Variants in FRMPD4 observed in about 807,000 individuals in gnomAD.
FRMPD4 encodes the protein FERM and PDZ domain containing 4.
In FRMPD4, 22 loss-of-function variants were observed where a neutral mutation model predicts 94.1. The ratio of observed to expected loss-of-function variants is 0.23; its 90% confidence interval spans 0.17 to 0.33. The LOEUF is 0.33. Ranked by LOEUF, FRMPD4 falls within the 10% of genes least tolerant of loss-of-function variation. The pLI is 1.00. For synonymous variants in FRMPD4, 631 were observed against 548.6 expected (o/e 1.15, Z -2.10); for missense variants, 1,111 against 1,339.9 (o/e 0.83, Z 2.67).
At chrX:12,148,944 G>T (rs1250779086) in intron 1 of FRMPD4, among the ~76,000 whole-genome samples, 1 of 111,972 alleles carries the variant, frequency 8.9e-6, no homozygotes, top group African/African-American at 3.2e-5. Flanking sequence ...TTATATTCAG[G>T]AAAAATAGAT....
chrX:12,069,106 C>G (rs2054945055), intron 3 of FRMPD4, among the ~76,000 whole-genome samples: 1 of 111,681 alleles, frequency 9.0e-6, no homozygotes, highest in East Asian at 2.8e-4. Context: ...TTGAGTGGAA[C>G]TGGAAGAAAA....
chrX:12,457,638 A>G (rs1157809078), intron 1 of FRMPD4, among the ~76,000 whole-genome samples: 1 of 111,889 alleles, frequency 8.9e-6, no homozygotes, highest in Non-Finnish European at 1.9e-5. Flanking sequence ...AATATATTAA[A>G]CCACTTCACT....
chrX:11,858,299 A>G, intron 1 of FRMPD4, among the ~76,000 whole-genome samples: 1 of 111,996 alleles, frequency 8.9e-6, no homozygotes, highest in Non-Finnish European at 1.9e-5. Context: ...CATGGAATCA[A>G]CCTAAGAGCC....
At chrX:12,486,069 G>A (rs1209645253) in intron 1 of FRMPD4, among the ~76,000 whole-genome samples, 2 of 111,611 alleles carry the variant, frequency 1.8e-5, no homozygotes, top group Non-Finnish European at 3.8e-5. Context: ...GGTAATGAAT[G>A]GGTACCAACT....
intron 1 of FRMPD4, among the ~76,000 whole-genome samples, chrX:12,424,986 T>C (rs1164247639): frequency 1.8e-5 from 2 of 112,752 alleles, no homozygotes; most frequent in Admixed American, 9.3e-5. Context: ...AGGGATATTT[T>C]CTGTAGGTTG....
chrX:12,199,267 G>GTA (rs1344099211), intron 1 of FRMPD4, among the ~76,000 whole-genome samples: 4 of 99,884 alleles, frequency 4.0e-5, no homozygotes, highest in Non-Finnish European at 5.9e-5. Context: ...GTGTGTGTGT[G>GTA]TGTATGTGTG....
chrX:11,847,182 C>G (rs1165597322), intron 1 of FRMPD4, among the ~76,000 whole-genome samples: 1 of 111,463 alleles, frequency 9.0e-6, no homozygotes, highest in African/African-American at 3.3e-5. Context: ...AACAAATTTA[C>G]AAGCAAAAAA....
intron 1 of FRMPD4, among the ~76,000 whole-genome samples, chrX:12,362,884 G>T (rs1231337472): frequency 1.7e-4 from 19 of 111,502 alleles, no homozygotes; most frequent in Non-Finnish European, 1.7e-4. Context: ...CCTGACTTTT[G>T]AATGATCGCC....
chrX:12,287,732 G>A (rs779455402), intron 1 of FRMPD4, among the ~76,000 whole-genome samples: 2 of 111,783 alleles, frequency 1.8e-5, no homozygotes, highest in African/African-American at 3.3e-5. Flanking sequence ...GATCAGAAAG[G>A]TAGGATCAAG....
chrX:12,069,885 G>T (rs1053697759), intron 3 of FRMPD4, among the ~76,000 whole-genome samples: 4 of 111,465 alleles, frequency 3.6e-5, no homozygotes, highest in African/African-American at 1.3e-4. Flanking sequence ...GGAGTCACTG[G>T]TGACCTTGTA....
At chrX:12,266,897 CTGAAGTTGAAAA>C (rs1398407860) in intron 1 of FRMPD4, among the ~76,000 whole-genome samples, 5 of 112,027 alleles carry the variant, frequency 4.5e-5, no homozygotes, top group Non-Finnish European at 7.5e-5. Context: ...ATAAACCTAT[CTGAAGTTGAAAA>C]TATCATAAAT....
chrX:12,310,572 T>A (rs10126988), intron 1 of FRMPD4, among the ~76,000 whole-genome samples: 3,076 of 112,155 alleles, frequency 0.027, 105 homozygotes, highest in African/African-American at 0.095. Flanking sequence ...GTAGTTTTTC[T>A]TGAGGTATAT....
chrX:11,912,325 G>C (rs1418491379), intron 3 of FRMPD4, among the ~76,000 whole-genome samples: 1 of 112,450 alleles, frequency 8.9e-6, no homozygotes, highest in African/African-American at 3.2e-5. Flanking sequence ...CATTTTCTCA[G>C]AGATCACAAA....
chrX:12,546,694 AT>A lies in FRMPD4; in HGVS notation c.158+47904del, dbSNP rs201377541. Among the ~76,000 whole-genome samples, 809 of 111,352 alleles carry A rather than the reference AT, an allele frequency of 7.3e-3. 6 individuals carry two copies. Among genetic ancestry groups the A allele is most frequent in the African/African-American group, 0.025 (764 of 30,672 alleles). On this transcript the variant is annotated intron_variant, in intron 2 of 16. Transcript: ENST00000675598. ...GCTGTAGTTGGGAATACAAAGGGATATTTTTTCCCCAGTAGTCTTTCCATCT... is the reference window on the plus strand; with the variant it reads ...GCTGTAGTTGGGAATACAAAGGGATATTTTTCCCCAGTAGTCTTTCCATCT...
At chrX:12,168,357 G>A (rs1175350923) in intron 1 of FRMPD4, among the ~76,000 whole-genome samples, 3 of 79,915 alleles carry the variant, frequency 3.8e-5, no homozygotes, top group Non-Finnish European at 2.5e-5. Context: ...GGGATTCAAA[G>A]CCAGATTGGG....
chrX:12,362,209 T>G (rs2056000827), intron 1 of FRMPD4, among the ~76,000 whole-genome samples: 1 of 110,764 alleles, frequency 9.0e-6, no homozygotes, highest in Admixed American at 9.6e-5. Flanking sequence ...TTTTTTTATT[T>G]TATTCTTTTT....
At chrX:12,360,604 G>A (rs761886690) in intron 1 of FRMPD4, among the ~76,000 whole-genome samples, 44 of 111,484 alleles carry the variant, frequency 3.9e-4, no homozygotes, top group African/African-American at 1.4e-3. Flanking sequence ...AGTCATGCAG[G>A]CCAACTGATA....
intron 4 of FRMPD4, among the ~76,000 whole-genome samples, chrX:12,657,487 G>A (rs1464456603): frequency 8.9e-6 from 1 of 111,936 alleles, no homozygotes; most frequent in Non-Finnish European, 1.9e-5. Context: ...CAGTATGGAA[G>A]CCATAGTTTT....
intron 2 of FRMPD4, among the ~76,000 whole-genome samples, chrX:12,515,831 A>T (rs777330694): frequency 2.7e-5 from 3 of 111,491 alleles, no homozygotes; most frequent in Non-Finnish European, 3.8e-5. Flanking sequence ...TGGCAGTCTA[A>T]GTCTCTTTGT....
Sources: gnomAD v4.1 joint callset for allele counts (sites outside exome capture counted in the v4.1 genomes callset) on GRCh38, gnomAD v4.1.1 for gene constraint, MANE v1.5 for transcripts, NCBI Gene and HGNC (gene_info 2026-07-23, HGNC 2026-07-21) for gene names.